The following GRM7 variants were observed in gnomAD, a reference collection of about 807,000 sequenced individuals.
GRM7 encodes the protein glutamate metabotropic receptor 7.
A neutral mutation model predicts 84.5 loss-of-function variants in GRM7; 35 were observed. The ratio of observed to expected loss-of-function variants is 0.41; its 90% CI spans 0.32 to 0.55. The LOEUF is 0.55. Ranked by LOEUF, GRM7 falls within the 20% of genes least tolerant of loss-of-function variation. The pLI, the probability that GRM7 is intolerant of heterozygous loss-of-function variation, is 0.19. For missense variants in GRM7, 1,003 were observed against 1,194.6 expected, an observed-to-expected ratio of 0.84 and a Z score of 2.36; for synonymous variants, 487 against 455.1, an observed-to-expected ratio of 1.07 and a Z score of -0.89.
chr3:7,401,461 C>T (rs1274143772), intron 4 of GRM7, among the ~76,000 whole-genome samples: 2 of 152,074 alleles, frequency 1.3e-5, no homozygotes, highest in Admixed American at 6.6e-5. Context: ...ATTGCTCTCT[C>T]TAAAATACAG....
At chr3:7,074,927 T>A (rs555505401) in intron 1 of GRM7, among the ~76,000 whole-genome samples, 8 of 152,306 alleles carry the variant, frequency 5.3e-5, no homozygotes, top group African/African-American at 1.9e-4. Context: ...ACCATGAGAA[T>A]AAAAACCAAG....
At chr3:6,888,071 T>C (rs921547163) in intron 1 of GRM7, among the ~76,000 whole-genome samples, 9 of 152,160 alleles carry the variant, frequency 5.9e-5, no homozygotes, top group African/African-American at 2.4e-5. Flanking sequence ...CACTTTTGGA[T>C]GGGGTTGTTT....
chr3:7,307,663 G>C (rs1431410637), intron 4 of GRM7, among the ~76,000 whole-genome samples: 1 of 152,186 alleles, frequency 6.6e-6, no homozygotes, highest in African/African-American at 2.4e-5. Context: ...GGGAGGCTTT[G>C]AATTAATTTC....
At chr3:7,555,263 G>T (rs1693703258) in intron 7 of GRM7, among the ~76,000 whole-genome samples, 1 of 152,160 alleles carries the variant, frequency 6.6e-6, no homozygotes, top group African/African-American at 2.4e-5. Flanking sequence ...TAATAATAAG[G>T]TGGGATCTGA....
intron 2 of GRM7, among the ~76,000 whole-genome samples, chr3:7,184,190 C>A (rs1695438282): frequency 1.3e-5 from 2 of 152,056 alleles, no homozygotes; most frequent in African/African-American, 2.4e-5. Context: ...ATGTAGCATA[C>A]TTTTATAGCA....
chr3:7,682,678 T>C (rs764469267), intron 9 of GRM7, among the ~76,000 whole-genome samples: 2 of 152,172 alleles, frequency 1.3e-5, no homozygotes, highest in Non-Finnish European at 2.9e-5. Flanking sequence ...GACAATTCAA[T>C]ACTATGCTAC....
intron 1 of GRM7, among the ~76,000 whole-genome samples, chr3:7,031,438 A>C (rs1696178769): frequency 6.8e-6 from 1 of 147,956 alleles, no homozygotes; most frequent in African/African-American, 2.6e-5. Flanking sequence ...TTATTTTGAG[A>C]TGGAGTCTTG....
At chr3:7,091,921 A>T (rs2125009726) in intron 1 of GRM7, among the ~76,000 whole-genome samples, 1 of 151,622 alleles carries the variant, frequency 6.6e-6, no homozygotes, top group East Asian at 2.0e-4. Context: ...AAGGAATCAC[A>T]TGGTATAACT....
chr3:7,385,099 G>A (rs1694732780), intron 4 of GRM7, among the ~76,000 whole-genome samples: 1 of 152,000 alleles, frequency 6.6e-6, no homozygotes. Context: ...CTTTTAAAAT[G>A]TGCGAACAAT....
At chr3:7,228,577 T>G (rs976535) in intron 2 of GRM7, among the ~76,000 whole-genome samples, 136,680 of 151,880 alleles carry the variant, frequency 0.9, 61,767 homozygotes, top group East Asian at 1. Flanking sequence ...GATTATCCTT[T>G]CTTGAGTCAT....
chr3:7,198,418 C>A (rs1042574619), intron 2 of GRM7, among the ~76,000 whole-genome samples: 8 of 152,156 alleles, frequency 5.3e-5, no homozygotes, highest in Non-Finnish European at 1.0e-4. Flanking sequence ...TGATAACCTT[C>A]TATATCCTGA....
intron 8 of GRM7, among the ~76,000 whole-genome samples, chr3:7,645,818 A>G (rs374007950): frequency 2.0e-5 from 3 of 152,084 alleles, no homozygotes; most frequent in African/African-American, 7.2e-5. Context: ...CATCTTCCCC[A>G]ATCTGACCCC....
intron 1 of GRM7, among the ~76,000 whole-genome samples, chr3:7,141,801 C>G (rs1487282354): frequency 6.6e-6 from 1 of 150,758 alleles, no homozygotes; most frequent in Non-Finnish European, 1.5e-5. Context: ...TAATATAGAA[C>G]AAAAGATGTT....
chr3:7,376,714 A>T (rs1694366100), intron 4 of GRM7, among the ~76,000 whole-genome samples: 1 of 152,208 alleles, frequency 6.6e-6, no homozygotes, highest in African/African-American at 2.4e-5. Flanking sequence ...ATTGTACAAG[A>T]GACCGTGTGG....
At chr3:7,465,012 C>T (rs1466925474) in intron 7 of GRM7, among the ~76,000 whole-genome samples, 2 of 152,044 alleles carry the variant, frequency 1.3e-5, no homozygotes, top group African/African-American at 4.8e-5. Context: ...GAAAATGACA[C>T]AATTCCATTC....
intron 4 of GRM7, among the ~76,000 whole-genome samples, chr3:7,317,612 G>A (rs1262984809): frequency 6.6e-6 from 1 of 152,120 alleles, no homozygotes; most frequent in Non-Finnish European, 1.5e-5. Context: ...ATCAGTTACA[G>A]TGTTGGTTGT....
At chr3:7,392,816 G>T (rs910967185) in intron 4 of GRM7, among the ~76,000 whole-genome samples, 4 of 152,214 alleles carry the variant, frequency 2.6e-5, no homozygotes, top group African/African-American at 9.6e-5. Context: ...GGCAAACTTT[G>T]TGGGTGAAAA....
intron 8 of GRM7, among the ~76,000 whole-genome samples, chr3:7,603,223 G>C (rs1401182949): frequency 6.6e-6 from 1 of 151,982 alleles, no homozygotes; most frequent in Non-Finnish European, 1.5e-5. Context: ...GGCAAACATG[G>C]TGAAGTATAA....
At chr3:6,905,297 A>G (rs527912264) in intron 1 of GRM7, among the ~76,000 whole-genome samples, 15 of 152,254 alleles carry the variant, frequency 9.9e-5, no homozygotes, top group Admixed American at 2.6e-4. Context: ...AGTTTTTGCT[A>G]GGAAGATTTT....
Sources: allele counts gnomAD v4.1 joint callset (sites outside exome capture counted in the v4.1 genomes callset), GRCh38; gene constraint gnomAD v4.1.1; transcripts MANE v1.5; gene names NCBI Gene and HGNC (gene_info 2026-07-23, HGNC 2026-07-21).